MAP4K3: variants seen among roughly 807,000 people sequenced by gnomAD.
MAP4K3 encodes mitogen-activated protein kinase kinase kinase kinase 3, also known as MAPK/ERK kinase kinase kinase 3.
In MAP4K3, 94 loss-of-function variants were observed where a neutral mutation model predicts 143.5. The observed-to-expected ratio is 0.65, with a 90% confidence interval of 0.55 to 0.78. The LOEUF is 0.78. MAP4K3 is among the 30% of genes least tolerant of loss of function. MAP4K3 has a pLI of 0.00. For synonymous variants in MAP4K3, 416 were observed against 347.2 expected, an observed-to-expected ratio of 1.20 and a Z score of -2.20; for missense variants, 1,077 against 1,068.1, an observed-to-expected ratio of 1.01 and a Z score of -0.12.
At chr2:39,367,092 C>A (rs1665943672) in intron 2 of MAP4K3, among the ~76,000 whole-genome samples, 1 of 152,096 alleles carries the variant, frequency 6.6e-6, no homozygotes, top group East Asian at 1.9e-4. Context: ...ATAAAAATAA[C>A]TTAGAGTCTA....
chr2:39,356,409 A>G (rs538792754), intron 2 of MAP4K3, 70 bp from the exon 3 acceptor site: 7 of 817,088 alleles, frequency 8.6e-6, no homozygotes, highest in Non-Finnish European at 1.5e-5. Flanking sequence ...TTCAAAACAC[A>G]ATAAAATAAT....
rs758878112 is a variant in MAP4K3, at chr2:39,282,523, G to C, written c.1619C>G (p.Pro540Arg). ...ATATTTAGTACTTACATGCACTTTAGGTGTTGGAGGAAGACCATTACTAAT... is the reference window on the plus strand; with the variant it reads ...ATATTTAGTACTTACATGCACTTTACGTGTTGGAGGAAGACCATTACTAAT... ...KPISNGLPPT[P>R]KVHMGACFSK... is the part of the protein sequence containing the mutation. The change falls in exon 22 of 34, where the codon CCT becomes CGT. Residue 540 changes from proline to arginine, a missense_variant. Pro to Arg is a moderately radical substitution (Grantham distance 103, BLOSUM62 -2). Around this residue, in one of 2 missense-constraint regions of MAP4K3, gnomAD observed 864 missense variants for 801.2 expected, o/e 1.08. Coordinates refer to ENST00000263881, the MANE Select transcript of MAP4K3 (RefSeq NM_003618.4). 1.9e-6 allele frequency: 3 copies of C among 1,611,264 alleles called. No individual in the cohort carries two copies. The highest frequency in any genetic ancestry group is 2.5e-6 in the Non-Finnish European group (3 of 1,178,432).
chr2:39,363,884 A>G (rs1398383095), intron 2 of MAP4K3, among the ~76,000 whole-genome samples: 1 of 151,750 alleles, frequency 6.6e-6, no homozygotes, highest in Non-Finnish European at 1.5e-5. Flanking sequence ...AAAAAAAGAT[A>G]TACAAATGGC....
Position 39,265,293 on chromosome 2 carries a change from G to A in MAP4K3, c.2046C>T (p.Tyr682=), listed in dbSNP as rs529687697. The A allele has an allele frequency of 3.1e-6, 5 of 1,610,398 alleles. No individual in the cohort carries two copies. Among genetic ancestry groups the A allele is most frequent in the Admixed American group, 1.7e-5 (1 of 59,938 alleles). The change falls in exon 28 of 34, where the codon TAC becomes TAT. Residue 682 remains tyrosine (Y), a synonymous_variant. Coordinates refer to ENST00000263881, the MANE Select transcript of MAP4K3 (RefSeq NM_003618.4). ...CQKCCVVRNP[Y]TGHKYLCGAL... ...CTCCACATAGGTATTTATGGCCCGT[G>A]TAAGGATTTCTTACTGTCAAAGCAA...
At chr2:39,306,964 G>C (rs1682730303) in intron 15 of MAP4K3, among the ~76,000 whole-genome samples, 1 of 152,246 alleles carries the variant, frequency 6.6e-6, no homozygotes, top group South Asian at 2.1e-4. Context: ...GCATGGGTAA[G>C]AGTTTGTATG....
Position 39,261,299 on chromosome 2 carries a change from G to A in MAP4K3, c.2137-522C>T, listed in dbSNP as rs1460076005. Among the ~76,000 whole-genome samples the A allele has an allele frequency of 2.7e-5, 4 of 145,498 alleles. No homozygotes were observed. In the East Asian group the frequency reaches 8.2e-4, roughly 30 times the overall value. On this transcript the variant is annotated intron_variant, in intron 28 of 33. Transcript: ENST00000263881. The stretch of plus-strand genomic sequence containing the variant: ...AAGTGATTTTTATCAAATCAACTCA[G>A]TTATAATACAACCCATTTTAATTTT...
chr2:39,407,830 C>T (rs1224584818), intron 1 of MAP4K3, among the ~76,000 whole-genome samples: 1 of 152,166 alleles, frequency 6.6e-6, no homozygotes, highest in Admixed American at 6.5e-5. Flanking sequence ...CCCATCTCGG[C>T]CTCCCAAAGT....
chr2:39,303,773 G>A (rs536480617), intron 15 of MAP4K3, among the ~76,000 whole-genome samples: 1 of 152,324 alleles, frequency 6.6e-6, no homozygotes, highest in East Asian at 1.9e-4. Context: ...CTGACCTCAA[G>A]TGATCCACCC....
Position 39,265,284 on chromosome 2 carries a change from A to T in MAP4K3, c.2055T>A (p.His685Gln), listed in dbSNP as rs766308537. The change falls in exon 28 of 34, where the codon CAT becomes CAA. Residue 685 changes from histidine (H) to glutamine (Q), a missense_variant. This residue lies in a region of MAP4K3 where 864 missense variants were observed against 801.2 expected (regional missense o/e 1.08). Coordinates refer to ENST00000263881, the MANE Select transcript of MAP4K3 (RefSeq NM_003618.4). ...TCTGAAGTGCTCCACATAGGTATTTATGGCCCGTGTAAGGATTTCTTACTG... is the reference window on the plus strand; with the variant it reads ...TCTGAAGTGCTCCACATAGGTATTTTTGGCCCGTGTAAGGATTTCTTACTG... ...CCVVRNPYTG[H>Q]KYLCGALQTS... 5.6e-6 allele frequency: 9 copies of T among 1,612,586 alleles called. No homozygotes were observed. The highest frequency in any genetic ancestry group is 6.8e-6 in the Non-Finnish European group (8 of 1,178,718).
At chr2:39,342,253 C>A (rs888355351) in intron 4 of MAP4K3, among the ~76,000 whole-genome samples, 2 of 152,002 alleles carry the variant, frequency 1.3e-5, no homozygotes, top group Admixed American at 6.6e-5. Flanking sequence ...ATTCTCCCGC[C>A]GCAGCCTTTG....
At chr2:39,284,221 G>A (rs1306068436) in intron 21 of MAP4K3, among the ~76,000 whole-genome samples, 1 of 151,954 alleles carries the variant, frequency 6.6e-6, no homozygotes, top group African/African-American at 2.4e-5. Flanking sequence ...GAGTGCAGGG[G>A]CACGATATCG....
At chr2:39,385,092 C>T (rs1418416021) in intron 1 of MAP4K3, among the ~76,000 whole-genome samples, 1 of 152,136 alleles carries the variant, frequency 6.6e-6, no homozygotes, top group Non-Finnish European at 1.5e-5. Context: ...TATGGATTTA[C>T]CACAGTTCAT....
intron 12 of MAP4K3, 106 bp from the exon 13 acceptor site, chr2:39,315,494 G>A: frequency 6.4e-6 from 5 of 779,514 alleles, no homozygotes; most frequent in East Asian, 2.8e-5. Context: ...AAGTAAAAAT[G>A]AAAGCAAAAC....
At chr2:39,286,548 T>C (rs1044030791) in intron 21 of MAP4K3, among the ~76,000 whole-genome samples, 27 of 152,372 alleles carry the variant, frequency 1.8e-4, no homozygotes, top group African/African-American at 6.5e-4. Flanking sequence ...ATAGTTATTT[T>C]GTGAATAATC....
In MAP4K3 at chr2:39,302,210, G is replaced by A. The variant is rs552654820; in HGVS notation, c.1120-2409C>T. Among the ~76,000 whole-genome samples the A allele has an allele frequency of 4.6e-5, 7 of 152,200 alleles. No individual in the cohort carries two copies. In the South Asian group the frequency reaches 1.2e-3, roughly 27 times the overall value. On this transcript the variant is annotated intron_variant, in intron 15 of 33. Coordinates refer to ENST00000263881, the MANE Select transcript of MAP4K3 (RefSeq NM_003618.4). ...AGTTGTAGATACATCCAAGTCCGACGATTAAATGGGTCATGTCCCAAGTCT... is the reference window on the plus strand; with the variant it reads ...AGTTGTAGATACATCCAAGTCCGACAATTAAATGGGTCATGTCCCAAGTCT...
At chr2:39,408,141 TA>T (rs1316177060) in intron 1 of MAP4K3, among the ~76,000 whole-genome samples, 4 of 151,672 alleles carry the variant, frequency 2.6e-5, no homozygotes, top group African/African-American at 7.3e-5. Context: ...AAGCAAAAAA[TA>T]AAAAAAACCA....
chr2:39,326,004 C>A, intron 9 of MAP4K3, 43 bp from the exon 10 acceptor site: 1 of 1,518,516 alleles, frequency 6.6e-7, no homozygotes. Context: ...TAATATTTCA[C>A]ATTTTTATCT....
chr2:39,386,095 T>C (rs1666498011), intron 1 of MAP4K3, among the ~76,000 whole-genome samples: 1 of 152,156 alleles, frequency 6.6e-6, no homozygotes, highest in South Asian at 2.1e-4. Context: ...TTTGAAGAGG[T>C]AATTAAGGTT....
intron 31 of MAP4K3, among the ~76,000 whole-genome samples, chr2:39,256,848 T>G (rs533181720): frequency 6.6e-6 from 1 of 152,140 alleles, no homozygotes; most frequent in Non-Finnish European, 1.5e-5. Flanking sequence ...CCACAAGCAA[T>G]GAACTTGGCT....
Sources: allele counts gnomAD v4.1 joint callset (sites outside exome capture counted in the v4.1 genomes callset), GRCh38; gene constraint gnomAD v4.1.1; regional missense constraint gnomAD v4.1.1; transcripts MANE v1.5; gene names NCBI Gene and HGNC (gene_info 2026-07-23, HGNC 2026-07-21).